NNT: variants seen among roughly 807,000 people sequenced by gnomAD.
The protein encoded by NNT is NAD(P) transhydrogenase, mitochondrial.
A neutral mutation model predicts 104.8 loss-of-function variants in NNT; 50 were observed. The ratio of observed to expected loss-of-function variants is 0.48; its 90% CI spans 0.38 to 0.60. The LOEUF is 0.60. Among genes scored for constraint, NNT ranks in the 20% least tolerant of loss-of-function variants. The pLI, the probability that NNT is intolerant of heterozygous loss-of-function variation, is 0.00. For missense variants in NNT, 1,131 were observed against 1,330.7 expected (o/e 0.85, Z 2.33); for synonymous variants, 461 against 490.4 (o/e 0.94, Z 0.79).
chr5:43,630,476 G>A (rs919708321), intron 7 of NNT, among the ~76,000 whole-genome samples: 1 of 152,098 alleles, frequency 6.6e-6, no homozygotes, highest in Non-Finnish European at 1.5e-5. Context: ...TGTATTTATG[G>A]AATTTTCAGT....
chr5:43,640,890 T>C (rs1026533263), intron 7 of NNT, among the ~76,000 whole-genome samples: 3 of 151,392 alleles, frequency 2.0e-5, no homozygotes, highest in Non-Finnish European at 4.4e-5. Context: ...CTATTGATGT[T>C]TTCTTTTGTA....
At chr5:43,655,316 A>AG (rs1739982619) in intron 14 of NNT, among the ~76,000 whole-genome samples, 1 of 152,190 alleles carries the variant, frequency 6.6e-6, no homozygotes, top group African/African-American at 2.4e-5. Context: ...AGGTGTGTGG[A>AG]GAAAAACTGC....
At chr5:43,657,128 G>A (rs1237597519) in intron 16 of NNT, among the ~76,000 whole-genome samples, 1 of 152,140 alleles carries the variant, frequency 6.6e-6, no homozygotes, top group East Asian at 1.9e-4. Flanking sequence ...AATGTATTAG[G>A]TGCCTACTAT....
At position 43,655,827 on chromosome 5, in the gene NNT, C is replaced by A. The variant is rs1230681613; in HGVS notation, c.2060-13C>A. 6 of 1,590,912 alleles carry A rather than the reference C, an allele frequency of 3.8e-6. No homozygotes were observed. The Admixed American group carries it at 8.4e-5, about 22-fold the overall frequency. On this transcript the variant is annotated splice_polypyrimidine_tract_variant and intron_variant, in intron 14 of 21. Transcript: ENST00000344920. ...TTGTCAAGTTTTAATTTATTTTTGA[C>A]CTTTCATAACAGGATTGACAATTGC...
At chr5:43,667,309 A>C (rs986726071) in intron 17 of NNT, 1 of 629,896 alleles carries the variant, frequency 1.6e-6, no homozygotes, top group Non-Finnish European at 2.8e-6. Flanking sequence ...TCTAGGGTAC[A>C]TGTGCACAAC....
At chr5:43,670,155 A>G (rs912330554) in intron 17 of NNT, among the ~76,000 whole-genome samples, 8 of 152,008 alleles carry the variant, frequency 5.3e-5, no homozygotes, top group Non-Finnish European at 2.9e-5. Flanking sequence ...TATTGCGTCT[A>G]TTTGATTCTT....
intron 7 of NNT, among the ~76,000 whole-genome samples, chr5:43,642,623 GA>G (rs1214933671): frequency 1.3e-5 from 2 of 152,160 alleles, no homozygotes; most frequent in Admixed American, 1.3e-4. Flanking sequence ...GGCTGAAATA[GA>G]AGAAGGTCCA....
At chr5:43,652,181 G>A (rs1739802634) in intron 13 of NNT, among the ~76,000 whole-genome samples, 1 of 152,106 alleles carries the variant, frequency 6.6e-6, no homozygotes, top group Non-Finnish European at 1.5e-5. Flanking sequence ...TCTTCATTAT[G>A]TATCTAGCTA....
intron 15 of NNT, 102 bp from the exon 16 acceptor site, chr5:43,656,551 T>C (rs1740057662): frequency 9.0e-7 from 1 of 1,115,776 alleles, no homozygotes; most frequent in African/African-American, 1.6e-5. Flanking sequence ...AGCATCCTCA[T>C]AATCCTTGGT....
At chr5:43,695,436 G>A (rs542620203) in intron 19 of NNT, among the ~76,000 whole-genome samples, 7 of 152,178 alleles carry the variant, frequency 4.6e-5, no homozygotes, top group Non-Finnish European at 8.8e-5. Context: ...TACAGACTTA[G>A]GCTTTATCAA....
chr5:43,685,837 C>G (rs746672009), intron 19 of NNT, among the ~76,000 whole-genome samples: 1 of 152,112 alleles, frequency 6.6e-6, no homozygotes, highest in Non-Finnish European at 1.5e-5. Flanking sequence ...ATCATGGAAA[C>G]TTCTGTTGTT....
chr5:43,623,432 C>T (rs1450547677), intron 5 of NNT, among the ~76,000 whole-genome samples: 1 of 152,094 alleles, frequency 6.6e-6, no homozygotes, highest in Non-Finnish European at 1.5e-5. Context: ...TGTTGCTGAT[C>T]CTTCCATGAT....
At chr5:43,672,418 A>C (rs1163848191) in intron 17 of NNT, among the ~76,000 whole-genome samples, 1 of 152,144 alleles carries the variant, frequency 6.6e-6, no homozygotes, top group Non-Finnish European at 1.5e-5. Flanking sequence ...TTGTGGTTTT[A>C]TCTACCTTTG....
intron 7 of NNT, among the ~76,000 whole-genome samples, chr5:43,633,066 T>A (rs1000385144): frequency 1.3e-5 from 2 of 152,192 alleles, no homozygotes; most frequent in African/African-American, 4.8e-5. Flanking sequence ...CTCTCCCGTT[T>A]CCCACCTCAG....
chr5:43,612,965 A>T lies in NNT; in HGVS notation c.209A>T (p.Lys70Met), dbSNP rs1460522826. Residue 70 changes from lysine to methionine, a missense_variant, in exon 3 of 22, where the codon AAG (lysine) becomes ATG (methionine). Transcript: ENST00000344920. ...CCCAAAGAGATATTCCAAAATGAGA[A>T]GCGAGTGGCATTGTCTCCTGCTGGT... ...GVPKEIFQNE[K>M]RVALSPAGVQ... is the part of the protein sequence containing the mutation. The T allele has an allele frequency of 1.2e-6, 2 of 1,614,038 alleles. No homozygotes were observed. The highest frequency in any genetic ancestry group is 1.3e-5 in the African/African-American group (1 of 74,910).
chr5:43,618,128 A>T (rs1749881465), intron 4 of NNT, among the ~76,000 whole-genome samples: 1 of 152,210 alleles, frequency 6.6e-6, no homozygotes, highest in African/African-American at 2.4e-5. Context: ...AGAAAAGATG[A>T]TGCATATTAT....
At chr5:43,626,285 A>G (rs751479602) in intron 6 of NNT, among the ~76,000 whole-genome samples, 17 of 152,154 alleles carry the variant, frequency 1.1e-4, no homozygotes, top group Non-Finnish European at 2.4e-4. Context: ...TAAATAATCT[A>G]GAGATGATTT....
intron 16 of NNT, among the ~76,000 whole-genome samples, chr5:43,657,746 T>G (rs1740133762): frequency 6.6e-6 from 1 of 152,214 alleles, no homozygotes; most frequent in Non-Finnish European, 1.5e-5. Flanking sequence ...TATTCTGGCT[T>G]ATTGCACTGG....
At chr5:43,664,181 G>A (rs532420973) in intron 17 of NNT, among the ~76,000 whole-genome samples, 1 of 152,298 alleles carries the variant, frequency 6.6e-6, no homozygotes, top group East Asian at 1.9e-4. Context: ...TGTTGTCAGT[G>A]TCCAAACAAC....
Sources: gnomAD v4.1 joint callset for allele counts (sites outside exome capture counted in the v4.1 genomes callset) on GRCh38, gnomAD v4.1.1 for gene constraint, MANE v1.5 for transcripts, NCBI Gene and HGNC (gene_info 2026-07-23, HGNC 2026-07-21) for gene names.